Variants in BLVRA observed in about 807,000 individuals in gnomAD.
BLVRA encodes biliverdin reductase A, also known as BVR A.
In BLVRA, 22 loss-of-function variants were observed where a neutral mutation model predicts 32.8. That is an observed-to-expected ratio of 0.67 (90% CI 0.48 to 0.96). The LOEUF is 0.96. BLVRA is among the 40% of genes least tolerant of loss of function. The pLI is 0.00. For synonymous variants in BLVRA, 119 were observed against 141.3 expected, an observed-to-expected ratio of 0.84 and a Z score of 1.12; for missense variants, 323 against 358.1, an observed-to-expected ratio of 0.90 and a Z score of 0.79.
chr7:43,778,983 G>A (rs557017492), intron 2 of BLVRA, among the ~76,000 whole-genome samples: 96 of 152,356 alleles, frequency 6.3e-4, no homozygotes, highest in African/African-American at 2.2e-3. Flanking sequence ...ATCTCCTGTT[G>A]TGCTGTTTTT....
At chr7:43,767,514 TCACCGGC>T in intron 1 of BLVRA, 1 of 1,196,866 alleles carries the variant, frequency 8.4e-7, no homozygotes, top group South Asian at 1.2e-5. Context: ...GTTGCCGTGG[TCACCGGC>T]CATGTGGTGC....
rs387906595 is a variant in BLVRA at position 43,787,943 on chromosome 7, C to T, written c.52C>T (p.Arg18Ter). Reference sequence around the variant, plus strand: ...TGGCGTGGTGGTGGTTGGTGTTGGCCGAGCCGGCTCCGTGCGGATGAGGGA... The same window carrying T: ...TGGCGTGGTGGTGGTTGGTGTTGGCTGAGCCGGCTCCGTGCGGATGAGGGA... Reference protein sequence around the residue: ...KFGVVVVGVGRAGSVRMRDLR... With the variant: ...KFGVVVVGVG The change falls in exon 3 of 8, where the codon CGA (arginine) becomes TGA (stop). Residue 18 changes from arginine (R) to a stop codon, truncating the protein, a stop_gained. Transcript: ENST00000265523. LOFTEE classifies it high-confidence loss of function. The surrounding 1 kb of genome is among the most constrained non-coding windows in gnomAD (Gnocchi z 4.5). 1.8e-5 allele frequency: 29 copies of T among 1,614,150 alleles called. No individual in the cohort carries two copies. Among genetic ancestry groups the T allele is most frequent in the Non-Finnish European group, 2.0e-5 (24 of 1,180,022 alleles).
intron 7 of BLVRA, 86 bp from the exon 8 acceptor site, chr7:43,806,891 G>A (rs2095804544): frequency 1.3e-6 from 2 of 1,512,086 alleles, no homozygotes; most frequent in Non-Finnish European, 1.8e-6. Context: ...ACAAGGACAT[G>A]TTACCAGGCG....
chr7:43,800,817 G>A (rs1349538065), intron 6 of BLVRA, among the ~76,000 whole-genome samples: 1 of 152,140 alleles, frequency 6.6e-6, no homozygotes, highest in Non-Finnish European at 1.5e-5. Context: ...TTTTCAACAG[G>A]AAGTTGTACA....
intron 6 of BLVRA, among the ~76,000 whole-genome samples, chr7:43,802,500 A>G (rs1454447572): frequency 4.6e-5 from 7 of 152,042 alleles, no homozygotes; most frequent in Middle Eastern, 6.8e-3. Flanking sequence ...TTATGTTTAT[A>G]TATATATATT....
At chr7:43,800,413 C>T in intron 5 of BLVRA, 52 bp from the exon 6 acceptor site, 1 of 1,523,742 alleles carries the variant, frequency 6.6e-7, no homozygotes, top group Non-Finnish European at 9.1e-7. Context: ...CTGGGATGCA[C>T]ACCTAGACAC....
intron 1 of BLVRA, among the ~76,000 whole-genome samples, chr7:43,760,991 A>T (rs1206976061): frequency 6.6e-6 from 1 of 152,036 alleles, no homozygotes; most frequent in Non-Finnish European, 1.5e-5. Context: ...TTGGTCTCGA[A>T]CTCCTGACCT....
intron 7 of BLVRA, among the ~76,000 whole-genome samples, chr7:43,804,725 G>T (rs944718414): frequency 6.6e-6 from 1 of 152,098 alleles, no homozygotes. Context: ...TCTCATACCA[G>T]GTCTTTTTTA....
chr7:43,807,178 C>T lies in BLVRA; in HGVS notation c.834C>T (p.Ile278=), dbSNP rs1308922113. 5 of 1,612,730 alleles carry T rather than the reference C, an allele frequency of 3.1e-6. No individual in the cohort carries two copies. In the Admixed American group the frequency reaches 8.3e-5, roughly 27 times the overall value. The change falls in exon 8 of 8, where the codon ATC becomes ATT. Residue 278 remains isoleucine (I), a synonymous_variant. Coordinates refer to ENST00000265523, the MANE Select transcript of BLVRA (RefSeq NM_000712.4). ...AACTGGCTGCTGAAAAGAAACGCAT[C>T]CTGCACTGCCTGGGGCTTGCAGAAG... is the stretch of plus-strand genomic sequence containing the variant. The part of the protein sequence containing the change: ...EKELAAEKKR[I]LHCLGLAEEI...
At chr7:43,759,930 T>C (rs1220958368) in intron 1 of BLVRA, 2 of 152,024 alleles carry the variant, frequency 1.3e-5, no homozygotes, top group African/African-American at 2.4e-5. Flanking sequence ...GGGTCTCTAA[T>C]TATACTTCAA....
intron 2 of BLVRA, among the ~76,000 whole-genome samples, chr7:43,781,677 T>C (rs1283148683): frequency 6.6e-6 from 1 of 152,226 alleles, no homozygotes; most frequent in Non-Finnish European, 1.5e-5. Flanking sequence ...TTTTATATCA[T>C]TTATATCTCA....
intron 2 of BLVRA, among the ~76,000 whole-genome samples, chr7:43,773,918 T>A (rs1281821755): frequency 7.2e-5 from 11 of 152,260 alleles, no homozygotes; most frequent in African/African-American, 2.2e-4. Flanking sequence ...CATGTGTTTT[T>A]TGGCTACATA....
chr7:43,800,676 C>T, intron 6 of BLVRA, 104 bp downstream of exon 6: 1 of 1,053,180 alleles, frequency 9.5e-7, no homozygotes, highest in Non-Finnish European at 1.4e-6. Context: ...CTGCTCAAGA[C>T]TCTCTGACTC....
chr7:43,768,547 TTG>T (rs1173235617), intron 1 of BLVRA, among the ~76,000 whole-genome samples: 1 of 152,148 alleles, frequency 6.6e-6, no homozygotes, highest in Non-Finnish European at 1.5e-5. Context: ...GCTTTTTTTT[TTG>T]CCAGGGTTCT....
At chr7:43,785,540 A>G (rs908729883) in intron 2 of BLVRA, among the ~76,000 whole-genome samples, 1 of 152,174 alleles carries the variant, frequency 6.6e-6, no homozygotes, top group Non-Finnish European at 1.5e-5. Flanking sequence ...TGCAAGGCTG[A>G]AGAAAGAGAG....
chr7:43,787,171 C>T lies in BLVRA; in HGVS notation c.13-733C>T, dbSNP rs1268893996. Among the ~76,000 whole-genome samples, 4 of 152,152 alleles carry T rather than the reference C, an allele frequency of 2.6e-5. No homozygotes were observed. The highest frequency in any genetic ancestry group is 5.9e-5 in the Non-Finnish European group (4 of 68,028). ...CTCCTGACCTCAAGTGATCCACCTG[C>T]CTCGGCCTCCCAAAGTGCTGGGATT... On this transcript the variant is annotated intron_variant, in intron 2 of 7. Coordinates refer to ENST00000265523, the MANE Select transcript of BLVRA (RefSeq NM_000712.4). This position sits in a 1 kb window ranked among gnomAD's most constrained non-coding sequence, Gnocchi z 4.5.
At chr7:43,800,171 G>A (rs2095797128) in intron 5 of BLVRA, among the ~76,000 whole-genome samples, 1 of 152,034 alleles carries the variant, frequency 6.6e-6, no homozygotes, top group South Asian at 2.1e-4. Flanking sequence ...GGCCAGGCTG[G>A]TCTGGAACTC....
chr7:43,805,280 CTCTTT>C lies in BLVRA; in HGVS notation c.632+1435_632+1439del, dbSNP rs572323610. Among the ~76,000 whole-genome samples, 411 of 107,580 alleles carry C rather than the reference CTCTTT, an allele frequency of 3.8e-3. 2 individuals carry two copies. The highest frequency in any genetic ancestry group is 0.014 in the African/African-American group (381 of 26,380). The allele number at this position is 107,580 out of a possible 152,430, so 70.6% of individuals were successfully genotyped here. A position where few individuals can be genotyped will look rare whatever the true frequency, so the allele number is the denominator to read the frequency against. ...GGGGAGGCAGAGGCTGACTCTCTCT[CTCTTT>C]TTTTTTTTTTTTTATGAGACAAAGT... On this transcript the variant is annotated intron_variant, in intron 7 of 7. Transcript: ENST00000265523.
At position 43,799,208 on chromosome 7, in the gene BLVRA, C is replaced by T. The variant is rs149029999; in HGVS notation, c.353-1257C>T. On this transcript the variant is annotated intron_variant, in intron 5 of 7. Coordinates refer to ENST00000265523, the MANE Select transcript of BLVRA (RefSeq NM_000712.4). ...ACTCCTGCGACAGACATCCTCCTTG[C>T]TCCTGAGGTGCAGGTCAAGCCCAGA... Among the ~76,000 whole-genome samples, 1,402 of 152,296 alleles carry T rather than the reference C, an allele frequency of 9.2e-3. 13 individuals carry two copies. The highest frequency in any genetic ancestry group is 0.024 in the Middle Eastern group (7 of 294).
Sources: gnomAD v4.1 joint callset for allele counts (sites outside exome capture counted in the v4.1 genomes callset) on GRCh38, gnomAD v4.1.1 for gene constraint, Gnocchi (gnomAD v3.1) non-coding constraint, MANE v1.5 for transcripts, NCBI Gene and HGNC (gene_info 2026-07-23, HGNC 2026-07-21) for gene names.